SCYL2: variants seen among roughly 807,000 people sequenced by gnomAD.
SCYL2 encodes the protein SCY1 like pseudokinase 2.
SCYL2 carries 36 observed loss-of-function variants against 100.4 expected under a neutral mutation model. That is an observed-to-expected ratio of 0.36 (90% CI 0.27 to 0.47). SCYL2 has a LOEUF of 0.47. SCYL2 is among the 20% of genes least tolerant of loss of function. The pLI is 1.00. For synonymous variants in SCYL2, 330 were observed against 359.2 expected (o/e 0.92, Z 0.92); for missense variants, 902 against 1,083.9 (o/e 0.83, Z 2.36).
At chr12:100,278,926 C>T (rs2096295354) in intron 1 of SCYL2, among the ~76,000 whole-genome samples, 1 of 152,164 alleles carries the variant, frequency 6.6e-6, no homozygotes, top group South Asian at 2.1e-4. Flanking sequence ...CCGCGCCTGG[C>T]CAGTCTGAGG....
At chr12:100,291,401 G>A (rs933182752) in intron 2 of SCYL2, 102 bp from the exon 3 acceptor site, 10 of 741,380 alleles carry the variant, frequency 1.3e-5, no homozygotes, top group Non-Finnish European at 2.1e-5. Context: ...TTACAATGGT[G>A]CTAAAATTTT....
intron 13 of SCYL2, 83 bp from the exon 14 acceptor site, chr12:100,334,083 A>G: frequency 3.7e-6 from 3 of 805,856 alleles, no homozygotes; most frequent in East Asian, 5.0e-5. Flanking sequence ...GAATATTATG[A>G]TTAATTTACT....
At position 100,283,101 on chromosome 12, in the gene SCYL2, G is replaced by A; in HGVS notation, c.131G>A (p.Gly44Glu). 1 of 1,609,924 alleles carries A rather than the reference G, an allele frequency of 6.2e-7. No individual in the cohort carries two copies. The highest frequency in any genetic ancestry group is 8.5e-7 in the Non-Finnish European group (1 of 1,178,574). Residue 44 changes from glycine (G) to glutamate (E), a missense_variant, in exon 2 of 18, where the codon GGG becomes GAG. By Grantham distance (98) the Gly-to-Glu change is moderately conservative. Transcript: ENST00000360820. Reference protein sequence around the residue: ...VGRHIASGGNGLAWKIFNGTK... With the variant: ...VGRHIASGGNELAWKIFNGTK... Reference sequence around the variant, plus strand: ...CGACACATTGCCAGTGGTGGCAATGGGCTAGCTTGGAAGATTTTTAATGGC... The same window carrying A: ...CGACACATTGCCAGTGGTGGCAATGAGCTAGCTTGGAAGATTTTTAATGGC...
At chr12:100,307,290 A>G (rs2096335802) in intron 4 of SCYL2, among the ~76,000 whole-genome samples, 1 of 152,206 alleles carries the variant, frequency 6.6e-6, no homozygotes, top group Non-Finnish European at 1.5e-5. Context: ...TGATACCAAA[A>G]CAGATACATA....
chr12:100,293,901 A>G (rs2096313639), intron 3 of SCYL2, among the ~76,000 whole-genome samples: 1 of 152,138 alleles, frequency 6.6e-6, no homozygotes. Context: ...AGTATAGAAC[A>G]AAATGAAAAG....
At chr12:100,291,390 A>G (rs2096310451) in intron 2 of SCYL2, 113 bp from the exon 3 acceptor site, 1 of 676,864 alleles carries the variant, frequency 1.5e-6, no homozygotes. Context: ...TCAGAAAAGT[A>G]TTACAATGGT....
intron 2 of SCYL2, among the ~76,000 whole-genome samples, chr12:100,288,291 G>A (rs1461609810): frequency 6.6e-5 from 10 of 152,028 alleles, no homozygotes; most frequent in Non-Finnish European, 1.5e-4. Flanking sequence ...CTATCTGAGA[G>A]AATTTTGTGA....
At chr12:100,275,710 A>C (rs2096291824) in intron 1 of SCYL2, among the ~76,000 whole-genome samples, 1 of 152,134 alleles carries the variant, frequency 6.6e-6, no homozygotes, top group African/African-American at 2.4e-5. Flanking sequence ...CCTTTACTGG[A>C]ATATTGAATA....
intron 3 of SCYL2, among the ~76,000 whole-genome samples, chr12:100,294,376 C>T (rs1394328970): frequency 4.2e-4 from 41 of 97,468 alleles, no homozygotes; most frequent in African/African-American, 1.2e-3. Flanking sequence ...GCTGGCCGGG[C>T]GGGGGGCTGA....
chr12:100,285,150 C>T (rs553969434), intron 2 of SCYL2, among the ~76,000 whole-genome samples: 96 of 152,074 alleles, frequency 6.3e-4, no homozygotes, highest in Non-Finnish European at 1.3e-3. Context: ...AACCAGCATC[C>T]GGACCAATAA....
intron 1 of SCYL2, among the ~76,000 whole-genome samples, chr12:100,272,638 C>T (rs563396315): frequency 1.3e-5 from 2 of 152,174 alleles, no homozygotes; most frequent in African/African-American, 2.4e-5. Flanking sequence ...AGTTCTTCCC[C>T]TATAAAACAA....
chr12:100,335,275 T>A (rs983036128), intron 14 of SCYL2, among the ~76,000 whole-genome samples: 1 of 152,088 alleles, frequency 6.6e-6, no homozygotes, highest in Non-Finnish European at 1.5e-5. Context: ...GCATTCATTG[T>A]TAGTATCACA....
At chr12:100,326,430 T>G (rs770367399) in intron 11 of SCYL2, among the ~76,000 whole-genome samples, 192 bp from the exon 12 acceptor site, 1 of 152,166 alleles carries the variant, frequency 6.6e-6, no homozygotes, top group Non-Finnish European at 1.5e-5. Flanking sequence ...CAATCATAAA[T>G]TCTTTGTGAA....
chr12:100,279,854 A>G (rs1047319404), intron 1 of SCYL2, among the ~76,000 whole-genome samples: 1 of 152,250 alleles, frequency 6.6e-6, no homozygotes, highest in Non-Finnish European at 1.5e-5. Context: ...GTGTCACACT[A>G]TGCATAAGCA....
At chr12:100,272,459 G>T (rs971324385) in intron 1 of SCYL2, among the ~76,000 whole-genome samples, 4 of 152,070 alleles carry the variant, frequency 2.6e-5, no homozygotes, top group African/African-American at 7.2e-5. Flanking sequence ...TGGTATTCTT[G>T]GGTGATATTT....
chr12:100,280,486 T>A (rs921072183), intron 1 of SCYL2, among the ~76,000 whole-genome samples: 6 of 152,316 alleles, frequency 3.9e-5, no homozygotes, highest in Admixed American at 3.3e-4. Context: ...AAAGTCTTCA[T>A]GTAACCCTAG....
At chr12:100,292,261 T>G (rs1222515779) in intron 3 of SCYL2, among the ~76,000 whole-genome samples, 3 of 152,228 alleles carry the variant, frequency 2.0e-5, no homozygotes, top group Admixed American at 2.0e-4. Flanking sequence ...TTTTCGACAT[T>G]ACTTATAACC....
chr12:100,299,511 C>T (rs891347237), intron 4 of SCYL2, among the ~76,000 whole-genome samples: 1 of 152,084 alleles, frequency 6.6e-6, no homozygotes. Context: ...AATCCCTGTC[C>T]CCTTTTCCTT....
Position 100,329,238 on chromosome 12 carries a change from A to C in SCYL2, c.1680A>C (p.Gly560=). 1 of 1,607,694 alleles carries C rather than the reference A, an allele frequency of 6.2e-7. No individual in the cohort carries two copies. The highest frequency in any genetic ancestry group is 8.5e-7 in the Non-Finnish European group (1 of 1,174,386). ...GTACTTTTACTCATAAGAAGTTGGG[A>C]ATCACCAAAGAGCAGCTGGCCGGAA... ...YKCTFTHKKL[G]ITKEQLAGKV... Residue 560 remains glycine (G), a synonymous_variant, in exon 13 of 18, where the codon GGA becomes GGC. Coordinates refer to ENST00000360820, the MANE Select transcript of SCYL2 (RefSeq NM_017988.6).
Sources: allele counts gnomAD v4.1 joint callset (sites outside exome capture counted in the v4.1 genomes callset), GRCh38; gene constraint gnomAD v4.1.1; transcripts MANE v1.5; gene names NCBI Gene and HGNC (gene_info 2026-07-23, HGNC 2026-07-21).